Variants in CNTN3 observed in about 807,000 individuals in gnomAD.
CNTN3 encodes contactin 3, also known as contactin-3.
Under a neutral mutation model 119.1 loss-of-function variants are expected in CNTN3, and 60 were observed. The ratio of observed to expected loss-of-function variants is 0.50; its 90% confidence interval spans 0.41 to 0.62. The LOEUF (loss-of-function observed/expected upper bound fraction) is 0.62, where lower values mean the gene tolerates loss of function less well. Among genes scored for constraint, CNTN3 ranks in the 20% least tolerant of loss-of-function variants. The pLI is 0.00. For synonymous variants in CNTN3, 450 were observed against 438.7 expected (o/e 1.03, Z -0.32); for missense variants, 1,101 against 1,242.4 (o/e 0.89, Z 1.71).
intron 5 of CNTN3, among the ~76,000 whole-genome samples, chr3:74,410,455 T>G (rs995769027): frequency 6.6e-6 from 1 of 152,158 alleles, no homozygotes; most frequent in African/African-American, 2.4e-5. Flanking sequence ...AGATGTCAGG[T>G]GTACTGCTTC....
chr3:74,464,343 C>T (rs1427034640), intron 4 of CNTN3, among the ~76,000 whole-genome samples: 1 of 152,094 alleles, frequency 6.6e-6, no homozygotes, highest in Admixed American at 6.6e-5. Context: ...TCTGTTACTC[C>T]CTGAATAAAC....
intron 18 of CNTN3, among the ~76,000 whole-genome samples, chr3:74,296,816 A>C (rs2106806491): frequency 6.6e-6 from 1 of 152,216 alleles, no homozygotes; most frequent in East Asian, 1.9e-4. Flanking sequence ...TGAAATATCA[A>C]ATTAGGTAAT....
At chr3:74,393,725 C>T (rs964724708) in intron 5 of CNTN3, among the ~76,000 whole-genome samples, 4 of 152,276 alleles carry the variant, frequency 2.6e-5, no homozygotes, top group South Asian at 4.1e-4. Flanking sequence ...AGAGAGGAAG[C>T]GAGGGCCAGA....
At chr3:74,491,869 G>A (rs908724530) in intron 3 of CNTN3, among the ~76,000 whole-genome samples, 1 of 152,100 alleles carries the variant, frequency 6.6e-6, no homozygotes, top group East Asian at 1.9e-4. Flanking sequence ...TGAAAATTAT[G>A]TAAAACTTCA....
chr3:74,369,249 C>T lies in CNTN3; in HGVS notation c.886G>A (p.Glu296Lys). 1.9e-6 allele frequency: 3 copies of T among 1,611,214 alleles called. No homozygotes were observed. The highest frequency in any genetic ancestry group is 2.2e-5 in the South Asian group (2 of 90,754). ...NFQQEDAGSY[E>K]CIAENSRGKN... ...CCTCGTGAATTCTCAGCAATGCATT[C>T]ATAGGAACCTGCATCTTCCTGTTGG... The change falls in exon 8 of 23, where the codon GAA (glutamate) becomes AAA (lysine). Residue 296 changes from glutamate (E) to lysine (K), a missense_variant. By Grantham distance (56) the Glu-to-Lys change is moderately conservative. Coordinates refer to ENST00000263665, the MANE Select transcript of CNTN3 (RefSeq NM_020872.3).
intron 1 of CNTN3, among the ~76,000 whole-genome samples, chr3:74,531,598 G>A (rs770166391): frequency 3.9e-5 from 6 of 151,910 alleles, no homozygotes; most frequent in African/African-American, 7.2e-5. Context: ...GAAATGACTC[G>A]GGGAAAGCCC....
chr3:74,316,996 C>G (rs1702846567), intron 13 of CNTN3, among the ~76,000 whole-genome samples: 1 of 151,168 alleles, frequency 6.6e-6, no homozygotes, highest in Non-Finnish European at 1.5e-5. Context: ...TCACTCAGGA[C>G]TTGCTTTATG....
chr3:74,497,075 T>C (rs543754746), intron 3 of CNTN3, among the ~76,000 whole-genome samples: 3 of 152,010 alleles, frequency 2.0e-5, no homozygotes, highest in Non-Finnish European at 2.9e-5. Context: ...CTCCTTAATA[T>C]TCCTCCTTGG....
chr3:74,505,774 T>C (rs1470647779), intron 2 of CNTN3, among the ~76,000 whole-genome samples: 1 of 152,176 alleles, frequency 6.6e-6, no homozygotes, highest in Non-Finnish European at 1.5e-5. Context: ...ATGTGTCTGT[T>C]TTCCACATCT....
chr3:74,373,159 A>G (rs910897877), intron 5 of CNTN3, among the ~76,000 whole-genome samples: 3 of 152,224 alleles, frequency 2.0e-5, no homozygotes, highest in Non-Finnish European at 4.4e-5. Context: ...AAACAAATGC[A>G]TCTCAAACAT....
intron 1 of CNTN3, among the ~76,000 whole-genome samples, chr3:74,597,963 G>C (rs576533150): frequency 6.6e-6 from 1 of 152,106 alleles, no homozygotes; most frequent in African/African-American, 2.4e-5. Context: ...TATCTTGCAA[G>C]CTTCTAGAAT....
At chr3:74,299,288 G>T (rs770479717) in intron 17 of CNTN3, among the ~76,000 whole-genome samples, 3 of 152,100 alleles carry the variant, frequency 2.0e-5, no homozygotes, top group Non-Finnish European at 2.9e-5. Flanking sequence ...CACATCATCA[G>T]CATCTTCAAA....
chr3:74,271,638 A>ATCT (rs1701777992), intron 20 of CNTN3, among the ~76,000 whole-genome samples: 1 of 152,222 alleles, frequency 6.6e-6, no homozygotes, highest in Non-Finnish European at 1.5e-5. Context: ...TGGCCATCTG[A>ATCT]TGGTAATGAG....
intron 4 of CNTN3, among the ~76,000 whole-genome samples, chr3:74,476,002 C>T (rs1702647167): frequency 6.6e-6 from 1 of 152,086 alleles, no homozygotes; most frequent in Non-Finnish European, 1.5e-5. Flanking sequence ...AAAATGGCCC[C>T]CAGGTATAGT....
chr3:74,365,839 C>T (rs1704174321), intron 8 of CNTN3, 137 bp from the exon 9 acceptor site: 4 of 980,580 alleles, frequency 4.1e-6, no homozygotes, highest in Non-Finnish European at 5.8e-6. Context: ...AGAACAGAGG[C>T]TAGAATTATA....
chr3:74,303,911 G>A (rs572249879), intron 13 of CNTN3, among the ~76,000 whole-genome samples: 15 of 152,164 alleles, frequency 9.9e-5, no homozygotes, highest in Middle Eastern at 3.4e-3. Flanking sequence ...ATATGATTTC[G>A]AAACCAAAGC....
chr3:74,423,366 G>A (rs985605141), intron 5 of CNTN3, among the ~76,000 whole-genome samples: 5 of 152,192 alleles, frequency 3.3e-5, no homozygotes, highest in Non-Finnish European at 7.3e-5. Context: ...GTCAGAAATG[G>A]TTGACCCTTC....
At position 74,297,860 on chromosome 3, in the gene CNTN3, T is replaced by C. The variant is rs1443496621; in HGVS notation, c.2401+97A>G. On this transcript the variant is annotated intron_variant, in intron 18 of 22. Coordinates refer to ENST00000263665, the MANE Select transcript of CNTN3 (RefSeq NM_020872.3). ...CTACCTGGATGATTGTTCTTTGGAA[T>C]AAATATATTTGAAGTCAAAACGAGA... 3.5e-6 allele frequency: 3 copies of C among 855,902 alleles called. No individual in the cohort carries two copies. The Admixed American group carries it at 7.1e-5, about 20-fold the overall frequency. The allele number at this position is 855,902 out of a possible 1,614,324, so 53.0% of individuals were successfully genotyped here.
intron 13 of CNTN3, among the ~76,000 whole-genome samples, chr3:74,313,697 G>C (rs552533669): frequency 1.2e-3 from 176 of 152,290 alleles, no homozygotes; most frequent in African/African-American, 4.0e-3. Flanking sequence ...TGATGGCTTA[G>C]TAAAACAGGT....
Sources: gnomAD v4.1 joint callset for allele counts (sites outside exome capture counted in the v4.1 genomes callset) on GRCh38, gnomAD v4.1.1 for gene constraint, MANE v1.5 for transcripts, NCBI Gene and HGNC (gene_info 2026-07-23, HGNC 2026-07-21) for gene names.